Variants in DYNC2I1 observed in about 807,000 individuals in gnomAD.
DYNC2I1 encodes cytoplasmic dynein 2 intermediate chain 1.
A neutral mutation model predicts 133.4 loss-of-function variants in DYNC2I1; 89 were observed. The observed-to-expected ratio is 0.67, with a 90% CI of 0.56 to 0.80. The LOEUF (loss-of-function observed/expected upper bound fraction) is 0.80. Among genes scored for constraint, DYNC2I1 ranks in the 30% least tolerant of loss-of-function variants. DYNC2I1 has a pLI of 0.00. For synonymous variants in DYNC2I1, 504 were observed against 484.3 expected (o/e 1.04, Z -0.54); for missense variants, 1,291 against 1,314.5 (o/e 0.98, Z 0.28).
At chr7:158,955,167 A>G (rs1852167092) in intron 4 of DYNC2I1, among the ~76,000 whole-genome samples, 1 of 152,228 alleles carries the variant, frequency 6.6e-6, no homozygotes, top group Non-Finnish European at 1.5e-5. Flanking sequence ...GAGACCATCA[A>G]ATAATGTTGG....
intron 15 of DYNC2I1, among the ~76,000 whole-genome samples, 182 bp from the exon 16 acceptor site, chr7:158,922,195 G>C (rs1055858011): frequency 6.6e-6 from 1 of 152,234 alleles, no homozygotes; most frequent in Non-Finnish European, 1.5e-5. Context: ...AGCTTGGACA[G>C]AGTGTTGGGG....
At chr7:158,881,678 C>A (rs942494776) in intron 5 of DYNC2I1, among the ~76,000 whole-genome samples, 3 of 152,138 alleles carry the variant, frequency 2.0e-5, no homozygotes, top group African/African-American at 7.2e-5. Flanking sequence ...TGGTCTCAAT[C>A]TCCTGACCTC....
chr7:158,917,894 C>A (rs143818867), intron 14 of DYNC2I1, among the ~76,000 whole-genome samples: 1 of 152,190 alleles, frequency 6.6e-6, no homozygotes, highest in African/African-American at 2.4e-5. Flanking sequence ...TCACACGAAT[C>A]CTATCAATTC....
rs1269168634 is a variant in DYNC2I1 at position 158,881,660 on chromosome 7, A to G, written c.879+1671A>G. Among the ~76,000 whole-genome samples, 6 of 152,124 alleles carry G rather than the reference A, an allele frequency of 3.9e-5. No homozygotes were observed. The South Asian group carries it at 1.0e-3, about 26-fold the overall frequency. On this transcript the variant is annotated intron_variant, in intron 5 of 24. Coordinates refer to ENST00000407559, the MANE Select transcript of DYNC2I1 (RefSeq NM_018051.5). ...AGTAGAGACGGGGTTTCACCGTGTT[A>G]GCCAGGATGGTCTCAATCTCCTGAC...
intron 20 of DYNC2I1, among the ~76,000 whole-genome samples, chr7:158,929,545 C>T (rs112368037): frequency 2.4e-4 from 37 of 152,308 alleles, no homozygotes; most frequent in African/African-American, 8.2e-4. Context: ...GCCGAGACGC[C>T]AGGTGGGGGG....
In DYNC2I1 at chr7:158,871,492, C is replaced by G. The variant is rs775354947; in HGVS notation, c.420C>G (p.His140Gln). The part of the protein sequence containing the change: ...RKEELRQTVA[H>Q]HNLLGQETRD... Reference sequence around the variant, plus strand: ...AAGAGCTCCGGCAGACCGTGGCCCACCACAACCTGCTGGGCCAGGAGACAC... The same window carrying G: ...AAGAGCTCCGGCAGACCGTGGCCCAGCACAACCTGCTGGGCCAGGAGACAC... Residue 140 changes from histidine to glutamine, a missense_variant, in exon 3 of 25, where the codon CAC becomes CAG. His to Gln is a conservative substitution (Grantham distance 24, BLOSUM62 0). Coordinates refer to ENST00000407559, the MANE Select transcript of DYNC2I1 (RefSeq NM_018051.5). 1.9e-6 allele frequency: 3 copies of G among 1,547,768 alleles called. No individual in the cohort carries two copies. Among genetic ancestry groups the G allele is most frequent in the Non-Finnish European group, 2.6e-6 (3 of 1,146,850 alleles).
In DYNC2I1 at chr7:158,887,071, G is replaced by A. The variant is rs777602096; in HGVS notation, c.986G>A (p.Arg329Gln). 23 of 1,613,492 alleles carry A rather than the reference G, an allele frequency of 1.4e-5. No individual in the cohort carries two copies. The highest frequency in any genetic ancestry group is 5.3e-5 in the African/African-American group (4 of 74,918). ...CATGGAAAAGATAAAGATTCAAGAC[G>A]GAAGGTAAGGCAGTCTCCACTGAGA... is the stretch of plus-strand genomic sequence containing the variant. Reference protein sequence around the residue: ...RNHGKDKDSRRKHGHEEGSSV... With the variant: ...RNHGKDKDSRQKHGHEEGSSV... The change falls in exon 7 of 25, where the codon CGG (arginine) becomes CAG (glutamine). Residue 329 changes from arginine to glutamine, a missense_variant. Arg to Gln is a conservative substitution (Grantham distance 43). Transcript: ENST00000407559.
At chr7:158,843,250 A>G in the DYNC2I1 span, among the ~76,000 whole-genome samples, 1 of 151,222 alleles carries the variant, frequency 6.6e-6, no homozygotes, top group African/African-American at 2.4e-5. Flanking sequence ...GTGTGCCACC[A>G]TGCCCGGCCA....
chr7:158,839,506 C>CT, the DYNC2I1 span, among the ~76,000 whole-genome samples: 2 of 152,064 alleles, frequency 1.3e-5, no homozygotes, highest in African/African-American at 4.8e-5. Flanking sequence ...AAGGTGATTG[C>CT]TTTTTTTGTT....
rs374151398 is a variant in DYNC2I1 at position 158,886,975 on chromosome 7, C to T, written c.936-46C>T. ...TGGAAAATGTTTTATTTTTTAAAAG[C>T]TCTCATTTAAAGTAAGTTTTGATTT... On this transcript the variant is annotated intron_variant, in intron 6 of 24. Transcript: ENST00000407559. 6 of 1,540,922 alleles carry T rather than the reference C, an allele frequency of 3.9e-6. No individual in the cohort carries two copies. The African/African-American group carries it at 4.1e-5, about 11-fold the overall frequency.
intron 14 of DYNC2I1, among the ~76,000 whole-genome samples, chr7:158,915,470 G>A (rs1306098278): frequency 2.6e-5 from 4 of 151,748 alleles, no homozygotes; most frequent in Non-Finnish European, 5.9e-5. Flanking sequence ...TCGACACGCT[G>A]GTTGACATTA....
chr7:158,915,352 C>T (rs879137428), intron 14 of DYNC2I1, among the ~76,000 whole-genome samples: 3 of 143,710 alleles, frequency 2.1e-5, no homozygotes, highest in East Asian at 2.1e-4. Context: ...AACGTCGACA[C>T]GCTGGTTGAC....
chr7:158,900,568 A>G (rs1008440117), intron 8 of DYNC2I1, among the ~76,000 whole-genome samples: 10 of 152,100 alleles, frequency 6.6e-5, no homozygotes, highest in African/African-American at 1.4e-4. Context: ...TTGGTGTTCT[A>G]TGAGCTTCCT....
At chr7:158,954,626 C>T (rs535123364) in intron 4 of DYNC2I1, among the ~76,000 whole-genome samples, 9 of 152,222 alleles carry the variant, frequency 5.9e-5, no homozygotes, top group Admixed American at 3.9e-4. Flanking sequence ...CCAGCCTGGA[C>T]GACAGAATGA....
At chr7:158,922,322 T>A in intron 15 of DYNC2I1, 55 bp from the exon 16 acceptor site, 3 of 1,563,090 alleles carry the variant, frequency 1.9e-6, no homozygotes, top group Non-Finnish European at 2.6e-6. Flanking sequence ...TGTGTTAAAT[T>A]TAACTTGGAT....
intron 17 of DYNC2I1, among the ~76,000 whole-genome samples, chr7:158,924,471 CAT>C (rs1241266074): frequency 2.0e-5 from 3 of 152,180 alleles, no homozygotes; most frequent in African/African-American, 2.4e-5. Flanking sequence ...CTGTGTTTGA[CAT>C]GTGTATCTGT....
chr7:158,914,803 C>T (rs551342504), intron 14 of DYNC2I1, among the ~76,000 whole-genome samples: 1 of 152,296 alleles, frequency 6.6e-6, no homozygotes, highest in East Asian at 1.9e-4. Context: ...CCCCTGCCCA[C>T]TCCACCACCC....
At position 158,937,923 on chromosome 7, in the gene DYNC2I1, T is replaced by C. The variant is rs182423553; in HGVS notation, c.2778+3374T>C. ...CTAAAAAGAAAAAAGAAAGGAAATA[T>C]ATAATCAGAGGAGAAAAAAGAACAA... On this transcript the variant is annotated intron_variant, in intron 23 of 24. Transcript: ENST00000407559. 3.7e-4 allele frequency among the ~76,000 whole-genome samples: 56 copies of C among 151,764 alleles called. 1 individual carries two copies. In the Middle Eastern group the frequency reaches 0.01, roughly 28 times the overall value.
chr7:158,882,289 C>A (rs893313057), intron 5 of DYNC2I1, among the ~76,000 whole-genome samples: 3 of 151,868 alleles, frequency 2.0e-5, no homozygotes, highest in Non-Finnish European at 2.9e-5. Context: ...CAAAAAAAAA[C>A]CACCTAAATC....
Sources: gnomAD v4.1 joint callset for allele counts (sites outside exome capture counted in the v4.1 genomes callset) on GRCh38, gnomAD v4.1.1 for gene constraint, MANE v1.5 for transcripts, NCBI Gene and HGNC (gene_info 2026-07-23, HGNC 2026-07-21) for gene names.